REDIC1: variants seen among roughly 807,000 people sequenced by gnomAD.
REDIC1 encodes regulator of DNA class I crossover intermediates 1, also known as HEI10 Interacting Protein 1.
At chr12:39,891,206 C>G in the REDIC1 span, among the ~76,000 whole-genome samples, 1 of 150,274 alleles carries the variant, frequency 6.7e-6, no homozygotes, top group Non-Finnish European at 1.5e-5. Context: ...CCAGTCTCTC[C>G]ATCATTATTT....
chr12:39,647,956 T>C, the REDIC1 span: 6 of 1,567,272 alleles, frequency 3.8e-6, no homozygotes, highest in South Asian at 6.0e-5. Flanking sequence ...AACTTGCATA[T>C]GAAAAAAAGC....
the REDIC1 span, among the ~76,000 whole-genome samples, chr12:39,709,282 GA>G: frequency 2.0e-5 from 3 of 148,282 alleles, no homozygotes; most frequent in Non-Finnish European, 1.5e-5. Context: ...TACTTTTGAT[GA>G]ATCAGTAATT....
the REDIC1 span, among the ~76,000 whole-genome samples, chr12:39,733,853 A>T: frequency 6.6e-6 from 1 of 152,176 alleles, no homozygotes; most frequent in Non-Finnish European, 1.5e-5. Flanking sequence ...TGGGGGTGGG[A>T]TCTGCTGAAC....
chr12:39,661,154 T>G, the REDIC1 span, among the ~76,000 whole-genome samples: 1 of 152,178 alleles, frequency 6.6e-6, no homozygotes, highest in South Asian at 2.1e-4. Context: ...TGTTTTCCTT[T>G]TATTTGGATA....
chr12:39,842,245 C>G, the REDIC1 span, among the ~76,000 whole-genome samples: 2 of 152,054 alleles, frequency 1.3e-5, no homozygotes, highest in African/African-American at 4.8e-5. Flanking sequence ...ACAGAAAGTA[C>G]TTTAACATAT....
chr12:39,819,568 C>T, the REDIC1 span, among the ~76,000 whole-genome samples: 1 of 152,138 alleles, frequency 6.6e-6, no homozygotes, highest in African/African-American at 2.4e-5. Context: ...TTTACCTTTT[C>T]TCTCAAATGT....
the REDIC1 span, among the ~76,000 whole-genome samples, chr12:39,775,559 A>G: frequency 3.9e-5 from 6 of 152,234 alleles, no homozygotes; most frequent in Admixed American, 6.5e-5. Flanking sequence ...TTCATAAGAA[A>G]ATACTTTGAA....
At chr12:39,682,597 T>C in the REDIC1 span, 2 of 1,511,240 alleles carry the variant, frequency 1.3e-6, no homozygotes, top group Non-Finnish European at 1.8e-6. Context: ...AATATGTTTT[T>C]GTTTATCCCA....
chr12:39,628,548 A>G, the REDIC1 span, among the ~76,000 whole-genome samples: 1 of 152,198 alleles, frequency 6.6e-6, no homozygotes, highest in Non-Finnish European at 1.5e-5. Flanking sequence ...TTAGGAACTT[A>G]AAATATAGAC....
At chr12:39,797,523 C>G in the REDIC1 span, among the ~76,000 whole-genome samples, 14 of 152,276 alleles carry the variant, frequency 9.2e-5, no homozygotes, top group East Asian at 2.7e-3. Context: ...AATAACCCAT[C>G]TCTTGTAAAG....
chr12:39,846,870 C>T, the REDIC1 span, among the ~76,000 whole-genome samples: 7 of 152,266 alleles, frequency 4.6e-5, no homozygotes, highest in South Asian at 1.2e-3. Flanking sequence ...AAGTGATCCA[C>T]ACAATGTTAA....
At chr12:39,713,393 G>C in the REDIC1 span, among the ~76,000 whole-genome samples, 151 of 141,726 alleles carry the variant, frequency 1.1e-3, 3 homozygotes, top group South Asian at 1.8e-3. Context: ...TATGTGTGTA[G>C]ACACATACGT....
At chr12:39,870,169 C>A in the REDIC1 span, among the ~76,000 whole-genome samples, 50 of 152,194 alleles carry the variant, frequency 3.3e-4, 1 homozygote, top group South Asian at 0.01. Context: ...GGCCAAATCC[C>A]AAATTGAAGA....
chr12:39,830,128 A>G, the REDIC1 span: 2 of 1,613,714 alleles, frequency 1.2e-6, no homozygotes, highest in South Asian at 2.2e-5. Context: ...TCATTTGTAG[A>G]TGCTTTATTA....
At chr12:39,711,564 TG>T in the REDIC1 span, among the ~76,000 whole-genome samples, 2 of 41,966 alleles carry the variant, frequency 4.8e-5, no homozygotes, top group Non-Finnish European at 1.5e-4. Context: ...CACATGCATG[TG>T]TATATGTGCA....
At chr12:39,711,701 G>A in the REDIC1 span, among the ~76,000 whole-genome samples, 1 of 13,488 alleles carries the variant, frequency 7.4e-5, no homozygotes, top group African/African-American at 1.3e-4. Flanking sequence ...ATGTGTATGT[G>A]TATACACATG....
the REDIC1 span, among the ~76,000 whole-genome samples, chr12:39,782,683 G>A: frequency 6.6e-6 from 1 of 152,130 alleles, no homozygotes; most frequent in African/African-American, 2.4e-5. Context: ...ACAAAGGTTG[G>A]AACAGTTTGG....
chr12:39,730,761 C>T, the REDIC1 span, among the ~76,000 whole-genome samples: 1 of 152,130 alleles, frequency 6.6e-6, no homozygotes, highest in Non-Finnish European at 1.5e-5. Flanking sequence ...AACTTGGTTC[C>T]ATTCTCCCCG....
At chr12:39,672,609 C>T in the REDIC1 span, among the ~76,000 whole-genome samples, 3 of 152,094 alleles carry the variant, frequency 2.0e-5, no homozygotes, top group East Asian at 3.9e-4. Context: ...GCTTCTGTCT[C>T]TGGGGAGCAC....
Sources: allele counts gnomAD v4.1 joint callset (sites outside exome capture counted in the v4.1 genomes callset), GRCh38; gene constraint gnomAD v4.1.1; transcripts MANE v1.5; gene names NCBI Gene and HGNC (gene_info 2026-07-23, HGNC 2026-07-21).